Variants in ASCC3 observed in about 807,000 individuals in gnomAD.
ASCC3 encodes activating signal cointegrator 1 complex subunit 3, also known as ASC-1 complex subunit P200.
Under a neutral mutation model 256.3 loss-of-function variants are expected in ASCC3, and 158 were observed. The ratio of observed to expected loss-of-function variants is 0.62; its 90% CI spans 0.54 to 0.70. ASCC3 has a LOEUF of 0.70. ASCC3 is among the 30% of genes least tolerant of loss of function. The pLI, the probability that ASCC3 is intolerant of heterozygous loss-of-function variation, is 0.00. For missense variants in ASCC3, 2,259 were observed against 2,626.0 expected (o/e 0.86, Z 3.05); for synonymous variants, 948 against 883.4 (o/e 1.07, Z -1.30).
intron 30 of ASCC3, among the ~76,000 whole-genome samples, chr6:100,608,574 T>C (rs192771663): frequency 0.017 from 34 of 1,960 alleles, 1 homozygote; most frequent in South Asian, 0.038. Context: ...TATATATATA[T>C]TTTATATATA....
At chr6:100,810,491 G>A (rs576740218) in intron 4 of ASCC3, among the ~76,000 whole-genome samples, 1 of 152,084 alleles carries the variant, frequency 6.6e-6, no homozygotes, top group Non-Finnish European at 1.5e-5. Flanking sequence ...TCAAAGACAT[G>A]TTGTATTCGT....
At chr6:100,752,588 T>C (rs756529932) in intron 10 of ASCC3, among the ~76,000 whole-genome samples, 9 of 152,146 alleles carry the variant, frequency 5.9e-5, no homozygotes, top group Non-Finnish European at 1.0e-4. Flanking sequence ...GATTCAAAAC[T>C]GCCTGCTAGG....
intron 8 of ASCC3, among the ~76,000 whole-genome samples, chr6:100,783,971 T>C (rs760408632): frequency 1.3e-5 from 2 of 152,180 alleles, no homozygotes; most frequent in Admixed American, 6.5e-5. Context: ...AAGTAGGGCA[T>C]GGTGAGTTTA....
At chr6:100,831,993 T>C (rs1171399240) in intron 4 of ASCC3, among the ~76,000 whole-genome samples, 1 of 152,018 alleles carries the variant, frequency 6.6e-6, no homozygotes, top group Non-Finnish European at 1.5e-5. Context: ...GTACAAAGAA[T>C]TCACCTCGAA....
chr6:100,614,337 A>G (rs1773551996), intron 30 of ASCC3, among the ~76,000 whole-genome samples: 1 of 152,202 alleles, frequency 6.6e-6, no homozygotes, highest in South Asian at 2.1e-4. Context: ...AAAGGTACAA[A>G]TATAAGATCA....
intron 5 of ASCC3, among the ~76,000 whole-genome samples, chr6:100,803,630 T>A (rs538540884): frequency 6.6e-6 from 1 of 152,230 alleles, no homozygotes; most frequent in African/African-American, 2.4e-5. Flanking sequence ...TTCAATACAC[T>A]CAAAGAACAA....
intron 40 of ASCC3, 122 bp from the exon 41 acceptor site, chr6:100,510,229 T>C: frequency 9.7e-7 from 1 of 1,032,612 alleles, no homozygotes; most frequent in Non-Finnish European, 1.5e-6. Flanking sequence ...AGCATATCTA[T>C]CTGAGATGTT....
chr6:100,523,429 T>A (rs953083160), intron 37 of ASCC3, among the ~76,000 whole-genome samples: 1 of 152,156 alleles, frequency 6.6e-6, no homozygotes, highest in African/African-American at 2.4e-5. Context: ...GGAAATAAGC[T>A]ATACAGAGAA....
At chr6:100,810,761 C>T (rs1451482060) in intron 4 of ASCC3, among the ~76,000 whole-genome samples, 2 of 152,092 alleles carry the variant, frequency 1.3e-5, no homozygotes, top group Non-Finnish European at 2.9e-5. Context: ...TGTTTAATCT[C>T]CTTCAATTGC....
At position 100,636,131 on chromosome 6, in the gene ASCC3, T is replaced by C. The variant is rs1210949510; in HGVS notation, c.4122+2470A>G. ...CTCATTTTACTGCACTTTGCGGATATTGTTTTTTTACAAATTGGAGGTTTG... is the reference window on the plus strand; with the variant it reads ...CTCATTTTACTGCACTTTGCGGATACTGTTTTTTTACAAATTGGAGGTTTG... On this transcript the variant is annotated intron_variant, in intron 25 of 41. Coordinates refer to ENST00000369162, the MANE Select transcript of ASCC3 (RefSeq NM_006828.4). Among the ~76,000 whole-genome samples, 4 of 152,310 alleles carry C rather than the reference T, an allele frequency of 2.6e-5. No homozygotes were observed. In the East Asian group the frequency reaches 7.7e-4, roughly 29 times the overall value.
At chr6:100,752,616 T>C (rs1051402140) in intron 10 of ASCC3, among the ~76,000 whole-genome samples, 6 of 152,156 alleles carry the variant, frequency 3.9e-5, no homozygotes, top group Admixed American at 1.3e-4. Flanking sequence ...TTTTGGTATA[T>C]GACATCTGTT....
chr6:100,698,055 G>A (rs1778172026), intron 13 of ASCC3, among the ~76,000 whole-genome samples: 1 of 152,046 alleles, frequency 6.6e-6, no homozygotes, highest in African/African-American at 2.4e-5. Flanking sequence ...AAGCTCAAAT[G>A]CTTAAATATA....
rs1770680163 is a variant in ASCC3 at position 100,573,095 on chromosome 6, G to C, written c.5550+16539C>G. Among the ~76,000 whole-genome samples the C allele has an allele frequency of 2.0e-5, 3 of 152,008 alleles. No individual in the cohort carries two copies. In the South Asian group the frequency reaches 6.2e-4, roughly 32 times the overall value. The stretch of plus-strand genomic sequence containing the variant: ...TATTGTAGGGCTCTGCTTATAGTGG[G>C]TTGGATTGAATGTTGGCATGCTTAA... On this transcript the variant is annotated intron_variant, in intron 36 of 41. Coordinates refer to ENST00000369162, the MANE Select transcript of ASCC3 (RefSeq NM_006828.4).
intron 4 of ASCC3, among the ~76,000 whole-genome samples, chr6:100,841,724 T>C (rs1234479737): frequency 6.6e-6 from 1 of 151,942 alleles, no homozygotes; most frequent in East Asian, 1.9e-4. Context: ...ACATAACCCA[T>C]CATATGTCTA....
At chr6:100,607,857 C>T (rs1582547309) in intron 30 of ASCC3, among the ~76,000 whole-genome samples, 1 of 150,344 alleles carries the variant, frequency 6.7e-6, no homozygotes, top group East Asian at 1.9e-4. Context: ...TTCTTATCTT[C>T]GATCAATAGT....
intron 36 of ASCC3, among the ~76,000 whole-genome samples, chr6:100,576,490 C>A (rs1336913553): frequency 1.3e-5 from 2 of 151,314 alleles, no homozygotes; most frequent in Non-Finnish European, 2.9e-5. Flanking sequence ...TAGAATATGT[C>A]GAAAAGGAAA....
At chr6:100,611,403 T>C (rs962710554) in intron 30 of ASCC3, among the ~76,000 whole-genome samples, 11 of 152,176 alleles carry the variant, frequency 7.2e-5, no homozygotes, top group Admixed American at 6.5e-4. Context: ...TATACATCTT[T>C]GTTACTGTAC....
chr6:100,793,162 T>C (rs1288679052), intron 8 of ASCC3, among the ~76,000 whole-genome samples: 2 of 151,980 alleles, frequency 1.3e-5, no homozygotes, highest in Non-Finnish European at 2.9e-5. Context: ...ATTACTGACA[T>C]TTGTGGTTAT....
At chr6:100,671,221 G>C (rs1191485702) in intron 14 of ASCC3, among the ~76,000 whole-genome samples, 4 of 151,968 alleles carry the variant, frequency 2.6e-5, no homozygotes, top group Admixed American at 2.0e-4. Flanking sequence ...CAAAGAGATG[G>C]TTAAGACCAT....
Sources: allele counts gnomAD v4.1 joint callset (sites outside exome capture counted in the v4.1 genomes callset), GRCh38; gene constraint gnomAD v4.1.1; transcripts MANE v1.5; gene names NCBI Gene and HGNC (gene_info 2026-07-23, HGNC 2026-07-21).